Variants in BBS1 observed in about 807,000 individuals in gnomAD.
The protein encoded by BBS1 is BBSome complex member BBS1.
Under a neutral mutation model 73.9 loss-of-function variants are expected in BBS1, and 60 were observed. The observed-to-expected ratio is 0.81, with a 90% confidence interval of 0.66 to 1.01. The LOEUF (loss-of-function observed/expected upper bound fraction) is 1.01. Among genes scored for constraint, BBS1 ranks in the 50% least tolerant of loss-of-function variants. The pLI is 0.00. For synonymous variants in BBS1, 283 were observed against 317.4 expected (o/e 0.89, Z 1.15); for missense variants, 718 against 770.3 (o/e 0.93, Z 0.80).
At position 66,515,863 on chromosome 11, in the gene BBS1, T is replaced by C; in HGVS notation, c.521T>C (p.Phe174Ser). The C allele has an allele frequency of 6.2e-7, 1 of 1,614,184 alleles. No individual in the cohort carries two copies. The change falls in exon 7 of 17, where the codon TTT becomes TCT. Residue 174 changes from phenylalanine (F) to serine (S), a missense_variant and splice_region_variant. Transcript: ENST00000318312. ...EEPLSIQSLR[F>S]LQLELSEMEA... Reference sequence around the variant, plus strand: ...ATGCCAGTTCTCTGTGTGTCTAGGTTTCTGCAGCTGGAGCTAAGTGAAATG... The same window carrying C: ...ATGCCAGTTCTCTGTGTGTCTAGGTCTCTGCAGCTGGAGCTAAGTGAAATG...
rs1320458331 is a variant in BBS1 at position 66,515,870 on chromosome 11, G to A, written c.528G>A (p.Gln176=). Residue 176 remains glutamine (Q), a synonymous_variant, in exon 7 of 17, where the codon CAG becomes CAA. Transcript: ENST00000318312. The part of the protein sequence containing the change: ...PLSIQSLRFL[Q]LELSEMEAFV... Reference sequence around the variant, plus strand: ...TTCTCTGTGTGTCTAGGTTTCTGCAGCTGGAGCTAAGTGAAATGGAGGCAT... The same window carrying A: ...TTCTCTGTGTGTCTAGGTTTCTGCAACTGGAGCTAAGTGAAATGGAGGCAT... 1.2e-6 allele frequency: 2 copies of A among 1,614,228 alleles called. No individual in the cohort carries two copies. Among genetic ancestry groups the A allele is most frequent in the Admixed American group, 1.7e-5 (1 of 60,020 alleles).
chr11:66,523,381 T>A (rs200984431), intron 9 of BBS1, 75 bp from the exon 10 acceptor site: 62 of 1,608,900 alleles, frequency 3.9e-5, no homozygotes, highest in Non-Finnish European at 5.0e-5. Context: ...TCCATGAGGT[T>A]TAGACAGAGG....
At chr11:66,517,056 G>T (rs954120124) in intron 7 of BBS1, among the ~76,000 whole-genome samples, 1 of 151,926 alleles carries the variant, frequency 6.6e-6, no homozygotes, top group Non-Finnish European at 1.5e-5. Context: ...AAAATTAGCC[G>T]GGCATGGTAG....
In BBS1 at chr11:66,515,872, T is replaced by C; in HGVS notation, c.530T>C (p.Leu177Pro). The C allele has an allele frequency of 6.2e-7, 1 of 1,614,212 alleles. No homozygotes were observed. The highest frequency in any genetic ancestry group is 8.5e-7 in the Non-Finnish European group (1 of 1,180,036). The change falls in exon 7 of 17, where the codon CTG becomes CCG. Residue 177 changes from leucine to proline, a missense_variant. Leu to Pro is a moderately conservative substitution (Grantham distance 98, BLOSUM62 -3). Transcript: ENST00000318312. ...LSIQSLRFLQLELSEMEAFVN... is the reference protein window; with the variant it reads ...LSIQSLRFLQPELSEMEAFVN... ...CTCTGTGTGTCTAGGTTTCTGCAGC[T>C]GGAGCTAAGTGAAATGGAGGCATTT... is the stretch of plus-strand genomic sequence containing the variant.
chr11:66,514,910 G>A (rs1856016904), intron 4 of BBS1, among the ~76,000 whole-genome samples: 1 of 152,034 alleles, frequency 6.6e-6, no homozygotes, highest in South Asian at 2.1e-4. Context: ...CTGGCTCCCG[G>A]GTTAAAGCAA....
intron 3 of BBS1, among the ~76,000 whole-genome samples, chr11:66,513,874 G>A (rs1359930525): frequency 6.6e-6 from 1 of 152,150 alleles, no homozygotes; most frequent in Non-Finnish European, 1.5e-5. Context: ...CCTCATTCAG[G>A]GAAATGGGCT....
At chr11:66,531,521 C>A in intron 15 of BBS1, 135 bp from the exon 16 acceptor site, 1 of 1,152,322 alleles carries the variant, frequency 8.7e-7, no homozygotes, top group Non-Finnish European at 1.3e-6. Context: ...CCTGCATCCT[C>A]CTCCACCCAG....
intron 13 of BBS1, chr11:66,527,207 C>CAA (rs201003949): frequency 1.8e-3 from 795 of 445,126 alleles, no homozygotes; most frequent in East Asian, 5.3e-3. Context: ...ACTTCTTTCT[C>CAA]AAAAAAAAAA....
At chr11:66,524,373 G>T in intron 11 of BBS1, 1 of 256,406 alleles carries the variant, frequency 3.9e-6, no homozygotes, top group Non-Finnish European at 7.7e-6. Flanking sequence ...CTTGTTTTCA[G>T]GAGGCTTACA....
At chr11:66,526,229 G>T (rs763778799) in intron 12 of BBS1, 37 bp downstream of exon 12, 2 of 1,584,098 alleles carry the variant, frequency 1.3e-6, no homozygotes, top group Non-Finnish European at 1.7e-6. Context: ...CTTTGAAGTC[G>T]GGAGTGAAGG....
chr11:66,529,599 G>C lies in BBS1; in HGVS notation c.1340-220G>C, dbSNP rs546033791. The stretch of plus-strand genomic sequence containing the variant: ...GTGAAGGAGCTAGATAGTGCAGGCA[G>C]GGAGGTGGTAAGAGAGTGAGAAGAG... On this transcript the variant is annotated intron_variant, in intron 13 of 16. Transcript: ENST00000318312. 4.3e-6 allele frequency: 3 copies of C among 692,840 alleles called. No individual in the cohort carries two copies. In the Admixed American group the frequency reaches 6.2e-5, roughly 14 times the overall value. The allele number at this position is 692,840 out of a possible 1,614,324, so 42.9% of individuals were successfully genotyped here. A position where few individuals can be genotyped will look rare whatever the true frequency, so the allele number is the denominator to read the frequency against.
intron 3 of BBS1, among the ~76,000 whole-genome samples, chr11:66,513,736 G>C (rs1346678995): frequency 6.6e-6 from 1 of 152,212 alleles, no homozygotes; most frequent in Non-Finnish European, 1.5e-5. Context: ...AGTTTCTGAT[G>C]TGGTCCCTGG....
At chr11:66,513,989 A>T (rs1213624406) in intron 3 of BBS1, among the ~76,000 whole-genome samples, 1 of 152,138 alleles carries the variant, frequency 6.6e-6, no homozygotes, top group Non-Finnish European at 1.5e-5. Context: ...CCTGCCCTGC[A>T]TTTGGAAACC....
Position 66,514,584 on chromosome 11 carries a change from A to G in BBS1, c.338A>G (p.Tyr113Cys), listed in dbSNP as rs753517084. 2 of 1,614,028 alleles carry G rather than the reference A, an allele frequency of 1.2e-6. No individual in the cohort carries two copies. Among genetic ancestry groups the G allele is most frequent in the African/African-American group, 1.3e-5 (1 of 75,048 alleles). Residue 113 changes from tyrosine (Y) to cysteine (C), a missense_variant, in exon 4 of 17, where the codon TAT becomes TGT. By Grantham distance (194) the Tyr-to-Cys change is radical (BLOSUM62 -2). Coordinates refer to ENST00000318312, the MANE Select transcript of BBS1 (RefSeq NM_024649.5). ...GCACTTGCTTCAGGCCCTTGTGTCTATGTGTATAAGAATCTCAGACCCTAC... is the reference window on the plus strand; with the variant it reads ...GCACTTGCTTCAGGCCCTTGTGTCTGTGTGTATAAGAATCTCAGACCCTAC... Reference protein sequence around the residue: ...ALALASGPCVYVYKNLRPYFK... With the variant: ...ALALASGPCVCVYKNLRPYFK...
At chr11:66,528,893 G>A (rs1407382293) in intron 13 of BBS1, 27 of 204,458 alleles carry the variant, frequency 1.3e-4, no homozygotes, top group Non-Finnish European at 1.0e-4. Context: ...GATTGAACCC[G>A]GGAGGCAGAG....
In BBS1 at chr11:66,513,034, C is replaced by T. The variant is rs561223296; in HGVS notation, c.160-1372C>T. 4.0e-5 allele frequency among the ~76,000 whole-genome samples: 6 copies of T among 151,412 alleles called. No homozygotes were observed. In the East Asian group the frequency reaches 9.7e-4, roughly 25 times the overall value. On this transcript the variant is annotated intron_variant, in intron 3 of 16. Transcript: ENST00000318312. The stretch of plus-strand genomic sequence containing the variant: ...GAATGTTTAATGGCTAGTTTATTCA[C>T]CATTGAGTCCCAGCATCTAGTCCAG...
At position 66,533,401 on chromosome 11, in the gene BBS1, C is replaced by G. The variant is rs1461041053; in HGVS notation, c.*1364C>G. On this transcript the variant is annotated 3_prime_UTR_variant, in exon 17 of 17. Coordinates refer to ENST00000318312, the MANE Select transcript of BBS1 (RefSeq NM_024649.5). ...ATTTTTAAAATGTGCTTATATGACT[C>G]TTGCTTGATATATCAATCTTAGACA... The G allele has an allele frequency of 6.6e-6, 1 of 152,206 alleles. No individual in the cohort carries two copies. Among genetic ancestry groups the G allele is most frequent in the Non-Finnish European group, 1.5e-5 (1 of 68,036 alleles). 9.4% of individuals were successfully genotyped at this position (152,206 alleles called of 1,614,324 possible).
At chr11:66,512,931 C>T (rs1278165145) in intron 3 of BBS1, among the ~76,000 whole-genome samples, 3 of 151,186 alleles carry the variant, frequency 2.0e-5, no homozygotes, top group South Asian at 4.2e-4. Flanking sequence ...GAAATCACGC[C>T]ATCGCACTTC....
intron 7 of BBS1, among the ~76,000 whole-genome samples, chr11:66,517,764 C>CTTAT (rs1038900839): frequency 1.0e-3 from 158 of 152,088 alleles, no homozygotes; most frequent in Non-Finnish European, 1.0e-3. Flanking sequence ...CCACGCCCAT[C>CTTAT]TTATTTATTT....
Sources: gnomAD v4.1 joint callset for allele counts (sites outside exome capture counted in the v4.1 genomes callset) on GRCh38, gnomAD v4.1.1 for gene constraint, MANE v1.5 for transcripts, NCBI Gene and HGNC (gene_info 2026-07-23, HGNC 2026-07-21) for gene names.